Variants in PSMD4 observed in about 807,000 individuals in gnomAD.
The protein encoded by PSMD4 is 26S proteasome non-ATPase regulatory subunit 4.
A neutral mutation model predicts 39.7 loss-of-function variants in PSMD4; 5 were observed. The observed-to-expected ratio is 0.13, with a 90% CI of 0.07 to 0.26. The LOEUF is 0.26. PSMD4 is among the 10% of genes least tolerant of loss of function. The pLI is 1.00. For synonymous variants in PSMD4, 143 were observed against 174.6 expected, an observed-to-expected ratio of 0.82 and a Z score of 1.43; for missense variants, 272 against 486.1, an observed-to-expected ratio of 0.56 and a Z score of 4.14.
intron 1 of PSMD4, among the ~76,000 whole-genome samples, chr1:151,257,087 T>C (rs1385412600): frequency 6.6e-6 from 1 of 152,230 alleles, no homozygotes; most frequent in Non-Finnish European, 1.5e-5. Context: ...TTTTACCTTG[T>C]CTTTAATCCA....
At chr1:151,257,661 C>A (rs1405758920) in intron 1 of PSMD4, among the ~76,000 whole-genome samples, 1 of 150,748 alleles carries the variant, frequency 6.6e-6, no homozygotes, top group East Asian at 2.0e-4. Flanking sequence ...GATTATTGTG[C>A]CTCAGCCTTC....
chr1:151,261,187 T>C (rs1330126060), intron 1 of PSMD4, among the ~76,000 whole-genome samples: 4 of 148,296 alleles, frequency 2.7e-5, no homozygotes, highest in East Asian at 1.9e-4. Context: ...TTTCTTTTTT[T>C]TTTTTTTTTT....
intron 6 of PSMD4, 148 bp from the exon 7 acceptor site, chr1:151,265,856 G>A (rs1267216668): frequency 8.4e-6 from 10 of 1,195,448 alleles, no homozygotes; most frequent in East Asian, 5.1e-5. Context: ...TTTTAATCCC[G>A]TACCACTGCT....
chr1:151,254,875 G>A, intron 1 of PSMD4, 67 bp downstream of exon 1: 3 of 1,429,604 alleles, frequency 2.1e-6, no homozygotes, highest in Non-Finnish European at 2.7e-6. Context: ...CCAAGGCAGG[G>A]AGGGCCTGGG....
chr1:151,266,952 A>G, intron 9 of PSMD4: 1 of 717,116 alleles, frequency 1.4e-6, no homozygotes, highest in Non-Finnish European at 2.6e-6. Flanking sequence ...CTCAATTAAC[A>G]GAGTTCTCAG....
intron 4 of PSMD4, 71 bp downstream of exon 4, chr1:151,264,989 G>T: frequency 7.0e-7 from 1 of 1,432,738 alleles, no homozygotes; most frequent in South Asian, 1.2e-5. Context: ...GCCCTCAGGA[G>T]AACCTGGCAG....
chr1:151,266,986 A>G (rs1390350821), intron 9 of PSMD4, 187 bp from the exon 10 acceptor site: 2 of 762,902 alleles, frequency 2.6e-6, no homozygotes, highest in Admixed American at 1.9e-5. Context: ...TTGGTTAGTA[A>G]TAACTGCATT....
At chr1:151,262,014 G>A in intron 1 of PSMD4, 147 bp from the exon 2 acceptor site, 1 of 781,310 alleles carries the variant, frequency 1.3e-6, no homozygotes, top group Non-Finnish European at 2.0e-6. Flanking sequence ...GTGGGCTAAG[G>A]CTTGATCATC....
intron 1 of PSMD4, among the ~76,000 whole-genome samples, chr1:151,255,009 C>G (rs763598444): frequency 2.2e-4 from 34 of 152,206 alleles, no homozygotes; most frequent in African/African-American, 8.2e-4. Flanking sequence ...ACTGTTACCC[C>G]CAGGGGGACG....
chr1:151,254,948 A>G, intron 1 of PSMD4, 140 bp downstream of exon 1: 1 of 1,070,768 alleles, frequency 9.3e-7, no homozygotes, highest in Non-Finnish European at 1.3e-6. Flanking sequence ...AGCCCGCTGG[A>G]CTCCCTGAGT....
Position 151,264,886 on chromosome 1 carries a change from G to C in PSMD4, c.337G>C (p.Val113Leu). The C allele has an allele frequency of 6.2e-7, 1 of 1,613,736 alleles. No homozygotes were observed. The highest frequency in any genetic ancestry group is 8.5e-7 in the Non-Finnish European group (1 of 1,179,822). Residue 113 changes from valine to leucine, a missense_variant, in exon 4 of 10, where the codon GTG (valine) becomes CTG (leucine). By Grantham distance (32) the Val-to-Leu change is conservative. Around this residue, in one of 3 missense-constraint regions of PSMD4, gnomAD observed 153 missense variants for 257.6 expected, o/e 0.59. Transcript: ENST00000368884. ...KNHKMRIIAF[V>L]GSPVEDNEKD... is the part of the protein sequence containing the mutation. ...TCACAAGATGCGCATCATTGCCTTT[G>C]TGGGAAGCCCAGTGGAGGACAATGA... is the stretch of plus-strand genomic sequence containing the variant.
chr1:151,257,341 G>A (rs1023207908), intron 1 of PSMD4, among the ~76,000 whole-genome samples: 1 of 152,094 alleles, frequency 6.6e-6, no homozygotes. Context: ...GGTTATTGTA[G>A]CCCTAAGTAA....
intron 1 of PSMD4, among the ~76,000 whole-genome samples, chr1:151,257,809 C>T (rs1027064085): frequency 5.5e-5 from 8 of 145,632 alleles, no homozygotes; most frequent in African/African-American, 1.0e-4. Flanking sequence ...AAGTGATCTG[C>T]CCACCTCAGC....
At chr1:151,254,866 C>T in intron 1 of PSMD4, 58 bp downstream of exon 1, 3 of 1,018,766 alleles carry the variant, frequency 2.9e-6, no homozygotes. Flanking sequence ...CGTGTAGCGC[C>T]AAGGCAGGGA....
intron 1 of PSMD4, among the ~76,000 whole-genome samples, chr1:151,261,735 C>T (rs587722246): frequency 5.0e-4 from 76 of 152,124 alleles, no homozygotes; most frequent in African/African-American, 1.8e-3. Flanking sequence ...AGGAGGATCT[C>T]TTGAGCTCAG....
In PSMD4 at chr1:151,263,987, A is replaced by G; in HGVS notation, c.241A>G (p.Lys81Glu). ...ILSKLHTVQPKGKITFCTGIR... is the reference protein window; with the variant it reads ...ILSKLHTVQPEGKITFCTGIR... ...GTCCAAGCTACATACTGTCCAACCC[A>G]AGGGCAAGATCACCTTCTGCACGGG... The change falls in exon 3 of 10, where the codon AAG becomes GAG. Residue 81 changes from lysine (K) to glutamate (E), a missense_variant. Lys to Glu is a moderately conservative substitution (Grantham distance 56). Transcript: ENST00000368884. 1 of 1,605,250 alleles carries G rather than the reference A, an allele frequency of 6.2e-7. No homozygotes were observed. Among genetic ancestry groups the G allele is most frequent in the Non-Finnish European group, 8.5e-7 (1 of 1,175,824 alleles).
Position 151,265,999 on chromosome 1 carries a change from A to C in PSMD4, c.655-5A>C. ...GAGCCCTGATTATGCCCTGCCCTTCACCAGGCCCTTCGTGTATCTATGGAA... is the reference window on the plus strand; with the variant it reads ...GAGCCCTGATTATGCCCTGCCCTTCCCCAGGCCCTTCGTGTATCTATGGAA... On this transcript the variant is annotated splice_region_variant and splice_polypyrimidine_tract_variant and intron_variant, in intron 6 of 9. Coordinates refer to ENST00000368884, the MANE Select transcript of PSMD4 (RefSeq NM_002810.4). The C allele has an allele frequency of 6.3e-7, 1 of 1,583,244 alleles. No individual in the cohort carries two copies. The highest frequency in any genetic ancestry group is 2.2e-5 in the East Asian group (1 of 44,598).
intron 1 of PSMD4, among the ~76,000 whole-genome samples, chr1:151,259,465 C>A (rs1025392875): frequency 6.6e-6 from 1 of 152,130 alleles, no homozygotes; most frequent in African/African-American, 2.4e-5. Flanking sequence ...TATATATTCC[C>A]TTTTCTGTTA....
intron 1 of PSMD4, among the ~76,000 whole-genome samples, chr1:151,256,547 T>C (rs1693175732): frequency 1.3e-5 from 2 of 149,558 alleles, no homozygotes; most frequent in African/African-American, 4.9e-5. Context: ...CAAGTGATTC[T>C]CCTGCCTCAG....
Sources: gnomAD v4.1 joint callset for allele counts (sites outside exome capture counted in the v4.1 genomes callset) on GRCh38, gnomAD v4.1.1 for gene constraint, gnomAD v4.1.1 regional missense constraint, MANE v1.5 for transcripts, NCBI Gene and HGNC (gene_info 2026-07-23, HGNC 2026-07-21) for gene names.